RPS6KA1: variants seen among roughly 807,000 people sequenced by gnomAD.
RPS6KA1 encodes the protein ribosomal protein S6 kinase alpha-1.
A neutral mutation model predicts 91.3 loss-of-function variants in RPS6KA1; 48 were observed. The ratio of observed to expected loss-of-function variants is 0.53; its 90% CI spans 0.42 to 0.67. The LOEUF is 0.67. Among genes scored for constraint, RPS6KA1 ranks in the 30% least tolerant of loss-of-function variants. The pLI is 0.00. For missense variants in RPS6KA1, 719 were observed against 960.5 expected (o/e 0.75, Z 3.32); for synonymous variants, 359 against 384.7 (o/e 0.93, Z 0.78).
chr1:26,558,000 T>C (rs1267788425), intron 13 of RPS6KA1, among the ~76,000 whole-genome samples: 3 of 151,904 alleles, frequency 2.0e-5, no homozygotes, highest in Admixed American at 6.6e-5. Flanking sequence ...GGCTAATTTT[T>C]GTATTTTTAG....
chr1:26,531,005 G>T, intron 1 of RPS6KA1: 1 of 886,130 alleles, frequency 1.1e-6, no homozygotes, highest in Non-Finnish European at 1.4e-6. Context: ...GCTTGGGCCT[G>T]GAGCCCCTGT....
intron 14 of RPS6KA1, 87 bp downstream of exon 14, chr1:26,559,024 C>T: frequency 6.7e-7 from 1 of 1,492,470 alleles, no homozygotes; most frequent in Non-Finnish European, 9.1e-7. Context: ...GAACCAGGTT[C>T]ATACCCTCAT....
In RPS6KA1 at chr1:26,540,155, T is replaced by G. The variant is rs949554497; in HGVS notation, c.108+3186T>G. ...AGGGGAGACCCCACAGCAGTAAGACTAAGTAAACCTGGGAGAAGTTCTGTT... is the reference window on the plus strand; with the variant it reads ...AGGGGAGACCCCACAGCAGTAAGACGAAGTAAACCTGGGAGAAGTTCTGTT... On this transcript the variant is annotated intron_variant, in intron 2 of 21. Transcript: ENST00000374168. This position sits in a 1 kb window ranked among gnomAD's most constrained non-coding sequence, Gnocchi z 4.2. 2.0e-5 allele frequency among the ~76,000 whole-genome samples: 3 copies of G among 152,126 alleles called. No individual in the cohort carries two copies. Among genetic ancestry groups the G allele is most frequent in the African/African-American group, 7.2e-5 (3 of 41,422 alleles).
In RPS6KA1 at chr1:26,545,804, C is replaced by A. The variant is rs1012552051; in HGVS notation, c.109-1063C>A. 4 of 1,405,898 alleles carry A rather than the reference C, an allele frequency of 2.8e-6. No homozygotes were observed. The African/African-American group carries it at 4.5e-5, about 16-fold the overall frequency. 87.1% of individuals were successfully genotyped at this position (1,405,898 alleles called of 1,614,324 possible). ...GCTGCCCTGGGCCAGGCCCAGCCCC[C>A]GCCCTTACCCTGCACATCCGCCTTG... On this transcript the variant is annotated intron_variant, in intron 2 of 21. Transcript: ENST00000374168.
At chr1:26,570,116 C>T (rs2076237132) in intron 17 of RPS6KA1, among the ~76,000 whole-genome samples, 1 of 152,120 alleles carries the variant, frequency 6.6e-6, no homozygotes, top group African/African-American at 2.4e-5. Flanking sequence ...TGAGCCAAGA[C>T]TCAGGAAAAG....
intron 21 of RPS6KA1, among the ~76,000 whole-genome samples, 176 bp from the exon 22 acceptor site, chr1:26,573,903 G>A (rs557368635): frequency 3.5e-4 from 53 of 150,992 alleles, no homozygotes; most frequent in South Asian, 1.9e-3. Context: ...GTGCCATTGC[G>A]TTCCAGCCTG....
chr1:26,553,865 T>C (rs1403329218), intron 7 of RPS6KA1: 2 of 280,900 alleles, frequency 7.1e-6, no homozygotes, highest in Non-Finnish European at 1.3e-5. Flanking sequence ...GAATAAGATC[T>C]GGCTTTAGTG....
Position 26,571,832 on chromosome 1 carries a change from C to G in RPS6KA1, c.1753-17C>G. 6.2e-7 allele frequency: 1 copy of G among 1,606,388 alleles called. No homozygotes were observed. The highest frequency in any genetic ancestry group is 8.5e-7 in the Non-Finnish European group (1 of 1,179,246). On this transcript the variant is annotated splice_polypyrimidine_tract_variant and intron_variant, in intron 18 of 21. Coordinates refer to ENST00000374168, the MANE Select transcript of RPS6KA1 (RefSeq NM_002953.4). This position sits in a 1 kb window ranked among gnomAD's most constrained non-coding sequence, Gnocchi z 5.1. ...ACTGCCCCCCCAGACTGACCACCTCCCCTGCCCTGTTGCCAGGTGCTGAAG... is the reference window on the plus strand; with the variant it reads ...ACTGCCCCCCCAGACTGACCACCTCGCCTGCCCTGTTGCCAGGTGCTGAAG...
intron 19 of RPS6KA1, 49 bp from the exon 20 acceptor site, chr1:26,572,127 C>T: frequency 6.6e-7 from 1 of 1,512,600 alleles, no homozygotes; most frequent in East Asian, 2.3e-5. Context: ...GCCCCAGCCC[C>T]AGTATGGAGG....
intron 6 of RPS6KA1, among the ~76,000 whole-genome samples, chr1:26,552,342 C>T (rs564375154): frequency 1.4e-4 from 19 of 134,166 alleles, no homozygotes; most frequent in Non-Finnish European, 2.0e-4. Flanking sequence ...GAGCCAAGAT[C>T]GCGCCACTGC....
chr1:26,547,045 G>A lies in RPS6KA1; in HGVS notation c.225+62G>A, dbSNP rs1291999615. ...GTCATGTTAGAGGTGGGGGTCAAGG[G>A]TCACCTAGGGGCCCAAAGGATCAGA... On this transcript the variant is annotated intron_variant, in intron 3 of 21. Transcript: ENST00000374168. This position sits in a 1 kb window ranked among gnomAD's most constrained non-coding sequence, Gnocchi z 4.1. The A allele has an allele frequency of 6.5e-7, 1 of 1,532,758 alleles. No individual in the cohort carries two copies. The highest frequency in any genetic ancestry group is 9.0e-7 in the Non-Finnish European group (1 of 1,106,586). 94.9% of individuals were successfully genotyped at this position (1,532,758 alleles called of 1,614,324 possible).
chr1:26,547,068 A>G lies in RPS6KA1; in HGVS notation c.225+85A>G. ...GGGTCACCTAGGGGCCCAAAGGATC[A>G]GAGGTCACCTTGGTACCCAGGGAGA... On this transcript the variant is annotated intron_variant, in intron 3 of 21. Transcript: ENST00000374168. This position sits in a 1 kb window ranked among gnomAD's most constrained non-coding sequence, Gnocchi z 4.1. The G allele has an allele frequency of 6.6e-7, 1 of 1,513,290 alleles. No individual in the cohort carries two copies. The allele number at this position is 1,513,290 out of a possible 1,614,324, so 93.7% of individuals were successfully genotyped here.
In RPS6KA1 at chr1:26,571,692, C is replaced by G. The variant is rs970105350; in HGVS notation, c.1752+82C>G. 2.6e-6 allele frequency: 4 copies of G among 1,535,510 alleles called. No individual in the cohort carries two copies. In the East Asian group the frequency reaches 9.5e-5, roughly 36 times the overall value. On this transcript the variant is annotated intron_variant, in intron 18 of 21. Transcript: ENST00000374168. The surrounding 1 kb of genome is among the most constrained non-coding windows in gnomAD (Gnocchi z 5.1). ...CCCCTCCCAGAGGCCCCACATTAGC[C>G]GGGACTCCAGTCTCTGTGACCTTGG...
chr1:26,535,404 C>T (rs1268832872), intron 1 of RPS6KA1, among the ~76,000 whole-genome samples: 2 of 152,014 alleles, frequency 1.3e-5, no homozygotes, highest in Admixed American at 1.3e-4. Flanking sequence ...GGACCCAGCT[C>T]CTGGCTCCAA....
chr1:26,545,675 G>A (rs1029246378), intron 2 of RPS6KA1, among the ~76,000 whole-genome samples: 1 of 152,342 alleles, frequency 6.6e-6, no homozygotes, highest in Non-Finnish European at 1.5e-5. Context: ...TGGGGGAACG[G>A]CCAGAGGGCA....
intron 14 of RPS6KA1, among the ~76,000 whole-genome samples, 157 bp from the exon 15 acceptor site, chr1:26,560,569 G>A (rs1487132479): frequency 6.6e-6 from 1 of 152,176 alleles, no homozygotes; most frequent in Non-Finnish European, 1.5e-5. Flanking sequence ...CCCAGAGAGG[G>A]GCAGGCTGTC....
chr1:26,573,675 C>T (rs2076270284), intron 21 of RPS6KA1, among the ~76,000 whole-genome samples: 1 of 152,150 alleles, frequency 6.6e-6, no homozygotes, highest in East Asian at 1.9e-4. Flanking sequence ...CGCGGTGGCT[C>T]ACACCTGTAA....
chr1:26,553,804 T>C (rs775400621), intron 7 of RPS6KA1: 2 of 250,950 alleles, frequency 8.0e-6, no homozygotes, highest in African/African-American at 2.2e-5. Flanking sequence ...TTCCCTAATA[T>C]CTAACTACCC....
rs2076121265 is a variant in RPS6KA1, at chr1:26,558,055, C to G, written c.1085-752C>G. Among the ~76,000 whole-genome samples, 2 of 151,978 alleles carry G rather than the reference C, an allele frequency of 1.3e-5. No homozygotes were observed. The highest frequency in any genetic ancestry group is 4.1e-4 in the South Asian group (2 of 4,822). On this transcript the variant is annotated intron_variant, in intron 13 of 21. Transcript: ENST00000374168. This position sits in a 1 kb window ranked among gnomAD's most constrained non-coding sequence, Gnocchi z 4.0. ...TGTTGGCCAGGCTGGTCTCGAACTC[C>G]TGACCTCAGGTGATCCACAAGGGGG...
Sources: allele counts gnomAD v4.1 joint callset (sites outside exome capture counted in the v4.1 genomes callset), GRCh38; gene constraint gnomAD v4.1.1; non-coding constraint Gnocchi (gnomAD v3.1); transcripts MANE v1.5; gene names NCBI Gene and HGNC (gene_info 2026-07-23, HGNC 2026-07-21).